The following IMPG2 variants were observed in gnomAD, a reference collection of about 807,000 sequenced individuals.
IMPG2 encodes the protein interphotoreceptor matrix proteoglycan 2.
Under a neutral mutation model 129.2 loss-of-function variants are expected in IMPG2, and 91 were observed. The ratio of observed to expected loss-of-function variants is 0.70; its 90% CI spans 0.59 to 0.84. IMPG2 has a LOEUF of 0.84. Among genes scored for constraint, IMPG2 ranks in the 40% least tolerant of loss-of-function variants. The pLI is 0.00. For missense variants in IMPG2, 1,430 were observed against 1,461.7 expected, an observed-to-expected ratio of 0.98 and a Z score of 0.35; for synonymous variants, 510 against 517.7, an observed-to-expected ratio of 0.99 and a Z score of 0.20.
At chr3:101,305,373 G>A (rs189378014) in intron 2 of IMPG2, among the ~76,000 whole-genome samples, 106 of 152,242 alleles carry the variant, frequency 7.0e-4, no homozygotes, top group African/African-American at 2.5e-3. Flanking sequence ...TTTTAGGGCA[G>A]TGAGAGTACT....
Position 101,226,963 on chromosome 3 carries a change from T to G in IMPG2, c.*6A>C. 1 of 1,613,458 alleles carries G rather than the reference T, an allele frequency of 6.2e-7. No individual in the cohort carries two copies. The highest frequency in any genetic ancestry group is 8.5e-7 in the Non-Finnish European group (1 of 1,179,628). On this transcript the variant is annotated 3_prime_UTR_variant, in exon 19 of 19. Transcript: ENST00000193391. ...CTTCTAATCAGTTTCAGAACAGGAG[T>G]TTTGGTTAAACCTCTTCCCTGCCAT...
Position 101,244,423 on chromosome 3 carries a change from A to T in IMPG2, c.1908T>A (p.Asp636Glu), listed in dbSNP as rs35648234. Reference sequence around the variant, plus strand: ...CAATCTCAGCTGGCAAAAGTGAATCATCATCTTCAAGCCACGGCTTGGACA... The same window carrying T: ...CAATCTCAGCTGGCAAAAGTGAATCTTCATCTTCAAGCCACGGCTTGGACA... ...EPLSKPWLED[D>E]DSLLPAEIED... is the part of the protein sequence containing the mutation. Residue 636 changes from aspartate to glutamate, a missense_variant, in exon 13 of 19, where the codon GAT becomes GAA. Physicochemically the swap from Asp to Glu is conservative, Grantham distance 45. Coordinates refer to ENST00000193391, the MANE Select transcript of IMPG2 (RefSeq NM_016247.4). 6.2e-7 allele frequency: 1 copy of T among 1,614,172 alleles called. No individual in the cohort carries two copies. The highest frequency in any genetic ancestry group is 1.7e-5 in the Admixed American group (1 of 60,018).
intron 11 of IMPG2, among the ~76,000 whole-genome samples, chr3:101,251,323 C>A (rs1348831846): frequency 6.6e-6 from 1 of 152,062 alleles, no homozygotes; most frequent in African/African-American, 2.4e-5. Context: ...CACTAACAGG[C>A]AACATAAAAT....
At chr3:101,255,024 C>T (rs1706583569) in intron 10 of IMPG2, among the ~76,000 whole-genome samples, 2 of 152,212 alleles carry the variant, frequency 1.3e-5, no homozygotes, top group Admixed American at 1.3e-4. Context: ...TCTTCACCTT[C>T]TGCCATGATT....
chr3:101,276,621 A>G, intron 5 of IMPG2, 43 bp downstream of exon 5: 1 of 1,361,152 alleles, frequency 7.3e-7, no homozygotes, highest in Non-Finnish European at 1.1e-6. Flanking sequence ...CTTAAACCAT[A>G]AATAATTTTA....
chr3:101,256,181 G>GAAAGAAAGAAAGAAAA (rs1706602779), intron 10 of IMPG2, among the ~76,000 whole-genome samples: 1 of 142,990 alleles, frequency 7.0e-6, no homozygotes, highest in South Asian at 2.3e-4. Context: ...AAGAAAGAAA[G>GAAAGAAAGAAAGAAAA]AAAGAAAGAA....
chr3:101,233,633 A>G (rs1706314463), intron 14 of IMPG2, among the ~76,000 whole-genome samples: 1 of 152,204 alleles, frequency 6.6e-6, no homozygotes, highest in African/African-American at 2.4e-5. Context: ...AGGGTGAGGG[A>G]AAATGACTAT....
In IMPG2 at chr3:101,291,491, T is replaced by G. The variant is rs146938670; in HGVS notation, c.521A>C (p.Glu174Ala). The G allele has an allele frequency of 6.7e-4, 1,073 of 1,613,252 alleles. 9 individuals are homozygous for G. The highest frequency in any genetic ancestry group is 2.7e-4 in the Non-Finnish European group (322 of 1,179,276). ...AAGAGACACTCACCTGCTTACAGTT[T>G]CCTTTGCATAAGTCAGTTTCTAAGG... ...LIMKKLTYAK[E>A]TVSSSELSSP... is the part of the protein sequence containing the mutation. Residue 174 changes from glutamate (E) to alanine (A), a missense_variant, in exon 4 of 19, where the codon GAA becomes GCA. Coordinates refer to ENST00000193391, the MANE Select transcript of IMPG2 (RefSeq NM_016247.4).
intron 11 of IMPG2, among the ~76,000 whole-genome samples, chr3:101,251,672 A>T (rs755973820): frequency 2.6e-5 from 4 of 152,178 alleles, no homozygotes. Context: ...AAAAGTGTCA[A>T]ATTCAATTTC....
rs1706456273 is a variant in IMPG2, at chr3:101,244,688, A to G, written c.1643T>C (p.Met548Thr). ...QPVPKETIPS[M>T]EDSDVSLTSS... ...TGTTAAGGACACATCAGAGTCTTCC[A>G]TGGATGGTATTGTTTCTTTTGGCAC... Residue 548 changes from methionine (M) to threonine (T), a missense_variant, in exon 13 of 19, where the codon ATG becomes ACG. Transcript: ENST00000193391. The G allele has an allele frequency of 1.2e-6, 2 of 1,614,044 alleles. No individual in the cohort carries two copies. The highest frequency in any genetic ancestry group is 3.3e-5 in the Admixed American group (2 of 59,996).
chr3:101,262,224 T>C (rs893973508), intron 9 of IMPG2, among the ~76,000 whole-genome samples: 1 of 152,096 alleles, frequency 6.6e-6, no homozygotes, highest in Non-Finnish European at 1.5e-5. Context: ...TGAAGCTAAA[T>C]ATATAAATTG....
intron 11 of IMPG2, among the ~76,000 whole-genome samples, chr3:101,251,970 T>C (rs926747841): frequency 1.3e-5 from 2 of 152,160 alleles, no homozygotes; most frequent in Non-Finnish European, 2.9e-5. Context: ...TCATGTCTTA[T>C]CTCCCATTAA....
chr3:101,236,015 G>A (rs532819622), intron 14 of IMPG2, among the ~76,000 whole-genome samples: 21 of 152,322 alleles, frequency 1.4e-4, no homozygotes, highest in South Asian at 2.1e-4. Flanking sequence ...GCCATCTGCC[G>A]TGCTGAGATA....
chr3:101,239,965 G>A (rs1559641535), intron 14 of IMPG2, among the ~76,000 whole-genome samples: 1 of 152,008 alleles, frequency 6.6e-6, no homozygotes, highest in Non-Finnish European at 1.5e-5. Flanking sequence ...TATACCTAAT[G>A]TAGATGACTG....
chr3:101,252,157 G>A (rs1706551634), intron 11 of IMPG2, among the ~76,000 whole-genome samples: 1 of 152,108 alleles, frequency 6.6e-6, no homozygotes, highest in Admixed American at 6.5e-5. Context: ...TCTGCCACAA[G>A]GGAATATGAA....
rs202029719 is a variant in IMPG2 at position 101,275,714 on chromosome 3, C to A, written c.615G>T (p.Val205=). 1.7e-5 allele frequency: 27 copies of A among 1,613,948 alleles called. No homozygotes were observed. Among genetic ancestry groups the A allele is most frequent in the Non-Finnish European group, 2.3e-5 (27 of 1,179,850 alleles). ...DTTLSVPHPE[V]DAYEGASESS... is the part of the protein sequence containing the mutation. ...TCTCTGAGGCACCTTCATAGGCGTC[C>A]ACCTCTGGATGTGGAACACTGAGAG... The change falls in exon 6 of 19, where the codon GTG becomes GTT. Residue 205 remains valine (V), a synonymous_variant. Coordinates refer to ENST00000193391, the MANE Select transcript of IMPG2 (RefSeq NM_016247.4).
chr3:101,293,039 G>A (rs965792299), intron 3 of IMPG2, among the ~76,000 whole-genome samples: 13 of 152,008 alleles, frequency 8.6e-5, no homozygotes, highest in Admixed American at 3.3e-4. Context: ...TGAACCCCTC[G>A]AAGTCATCCA....
intron 14 of IMPG2, among the ~76,000 whole-genome samples, chr3:101,240,140 C>G (rs1301534575): frequency 6.6e-6 from 1 of 151,010 alleles, no homozygotes; most frequent in East Asian, 1.9e-4. Context: ...TTTTTAGAGA[C>G]AGGTTCTCAC....
chr3:101,253,222 C>G (rs1706563107), intron 11 of IMPG2, among the ~76,000 whole-genome samples: 1 of 152,112 alleles, frequency 6.6e-6, no homozygotes. Flanking sequence ...TGTCATCTGT[C>G]AGCTAGTGGA....
Sources: allele counts gnomAD v4.1 joint callset (sites outside exome capture counted in the v4.1 genomes callset), GRCh38; gene constraint gnomAD v4.1.1; transcripts MANE v1.5; gene names NCBI Gene and HGNC (gene_info 2026-07-23, HGNC 2026-07-21).